Variants in ARMC2 observed in about 807,000 individuals in gnomAD.
The protein encoded by ARMC2 is armadillo repeat-containing protein 2.
In ARMC2, 67 loss-of-function variants were observed where a neutral mutation model predicts 90.3. The observed-to-expected ratio is 0.74, with a 90% CI of 0.61 to 0.91. The LOEUF is 0.91. ARMC2 is among the 40% of genes least tolerant of loss of function. The probability of loss-of-function intolerance (pLI) is 0.00; values close to 1 mark genes in which losing one functional copy is unlikely to be tolerated. For synonymous variants in ARMC2, 393 were observed against 393.0 expected (o/e 1.00, Z 0.00); for missense variants, 920 against 1,030.9 (o/e 0.89, Z 1.47).
chr6:109,008,211 T>A, the ARMC2 span, among the ~76,000 whole-genome samples: 1 of 152,292 alleles, frequency 6.6e-6, no homozygotes, highest in East Asian at 1.9e-4. Context: ...CACACAAACA[T>A]CAGCAGAAAT....
chr6:108,853,814 C>G (rs1013590827), intron 1 of ARMC2, among the ~76,000 whole-genome samples: 3 of 152,168 alleles, frequency 2.0e-5, no homozygotes, highest in Non-Finnish European at 4.4e-5. Context: ...AGAAATACAA[C>G]ATTTCTGTCT....
chr6:109,018,867 A>C, the ARMC2 span, among the ~76,000 whole-genome samples: 1 of 152,180 alleles, frequency 6.6e-6, no homozygotes, highest in Non-Finnish European at 1.5e-5. Flanking sequence ...GAGCACGATA[A>C]AAAATGAAAG....
the ARMC2 span, chr6:108,998,497 G>A: frequency 1.3e-5 from 21 of 1,612,588 alleles, no homozygotes; most frequent in Non-Finnish European, 1.7e-5. Context: ...ACAATCTCAT[G>A]ACAAATAATA....
rs538322215 is a variant in ARMC2 at position 108,947,419 on chromosome 6, C to T, written c.1597-5614C>T. Among the ~76,000 whole-genome samples, 11 of 152,262 alleles carry T rather than the reference C, an allele frequency of 7.2e-5. No homozygotes were observed. The South Asian group carries it at 2.3e-3, about 32-fold the overall frequency. ...TCCTGAAGCCTCAGTTTCAACATCT[C>T]TAAATAGGGGTAAAAATGTCTTTCA... On this transcript the variant is annotated intron_variant, in intron 12 of 17. Coordinates refer to ENST00000392644, the MANE Select transcript of ARMC2 (RefSeq NM_032131.6).
At chr6:108,896,933 A>G (rs2806370) in intron 6 of ARMC2, among the ~76,000 whole-genome samples, 117,942 of 152,170 alleles carry the variant, frequency 0.78, 46,079 homozygotes, top group South Asian at 0.85. Flanking sequence ...GCTTTCACTT[A>G]CCTTGATAAT....
At chr6:108,972,764 A>G (rs1035926414) in intron 17 of ARMC2, among the ~76,000 whole-genome samples, 2 of 151,832 alleles carry the variant, frequency 1.3e-5, no homozygotes, top group African/African-American at 2.4e-5. Context: ...CCCGTGCTCA[A>G]GTGATTCTCC....
chr6:108,871,024 T>C (rs1340666370), intron 4 of ARMC2, among the ~76,000 whole-genome samples: 1 of 152,216 alleles, frequency 6.6e-6, no homozygotes, highest in African/African-American at 2.4e-5. Context: ...TTTGAGGAGC[T>C]GGCAGCTGAA....
chr6:108,916,524 G>A (rs148978280), intron 10 of ARMC2, among the ~76,000 whole-genome samples: 8 of 152,294 alleles, frequency 5.3e-5, no homozygotes, highest in African/African-American at 1.4e-4. Flanking sequence ...CTGTAAAGTC[G>A]TAAGAGTAAA....
chr6:108,977,234 C>G (rs139306421), downstream of ARMC2, among the ~76,000 whole-genome samples: 3,529 of 152,218 alleles, frequency 0.023, 59 homozygotes, highest in Middle Eastern at 0.068. Flanking sequence ...TGTCAAAGGC[C>G]TTTTCTGCAT....
At chr6:109,025,383 T>C in the ARMC2 span, among the ~76,000 whole-genome samples, 1 of 151,566 alleles carries the variant, frequency 6.6e-6, no homozygotes, top group African/African-American at 2.4e-5. Context: ...TAGAAATAAA[T>C]AGAGATTTTC....
chr6:108,888,535 TTAG>T (rs1770610672), intron 5 of ARMC2, among the ~76,000 whole-genome samples: 1 of 152,238 alleles, frequency 6.6e-6, no homozygotes, highest in Admixed American at 6.5e-5. Flanking sequence ...GCAGTTCCAA[TTAG>T]TAGAACGAAG....
At chr6:108,895,796 C>T (rs1771552091) in intron 6 of ARMC2, among the ~76,000 whole-genome samples, 1 of 152,130 alleles carries the variant, frequency 6.6e-6, no homozygotes, top group Non-Finnish European at 1.5e-5. Context: ...CAAGTGTAGT[C>T]ATAGTAACCA....
intron 5 of ARMC2, among the ~76,000 whole-genome samples, chr6:108,888,589 G>A (rs949636867): frequency 6.6e-6 from 1 of 152,218 alleles, no homozygotes; most frequent in Non-Finnish European, 1.5e-5. Flanking sequence ...TTTCTTTTGA[G>A]TACATAAGTC....
chr6:108,954,295 T>C (rs1777408525), intron 13 of ARMC2, among the ~76,000 whole-genome samples: 1 of 152,172 alleles, frequency 6.6e-6, no homozygotes, highest in African/African-American at 2.4e-5. Flanking sequence ...CCTGCTAGTG[T>C]GTAGGAAAAT....
At chr6:109,015,885 T>TA in the ARMC2 span, among the ~76,000 whole-genome samples, 1 of 152,236 alleles carries the variant, frequency 6.6e-6, no homozygotes, top group Non-Finnish European at 1.5e-5. Context: ...CATTTGTACC[T>TA]AAACAATGTG....
intron 3 of ARMC2, among the ~76,000 whole-genome samples, chr6:108,861,207 G>A (rs1394137510): frequency 1.3e-5 from 2 of 152,136 alleles, no homozygotes; most frequent in East Asian, 3.9e-4. Context: ...AGTTCCCTAG[G>A]CTTTATGAGA....
chr6:108,885,082 A>C (rs541674836), intron 5 of ARMC2, among the ~76,000 whole-genome samples: 1 of 152,220 alleles, frequency 6.6e-6, no homozygotes, highest in Non-Finnish European at 1.5e-5. Context: ...GGGGAGTATG[A>C]AACCATGAGC....
the ARMC2 span, among the ~76,000 whole-genome samples, chr6:109,023,745 TA>T: frequency 1.3e-5 from 2 of 152,106 alleles, no homozygotes; most frequent in Admixed American, 1.3e-4. Context: ...TCTAACAAAA[TA>T]AAATGAGTAA....
downstream of ARMC2, chr6:108,974,502 T>C (rs1473653966): frequency 6.6e-6 from 1 of 152,182 alleles, no homozygotes; most frequent in Non-Finnish European, 1.5e-5. Context: ...TATTATCCTA[T>C]ACTAGCCAAA....
Sources: gnomAD v4.1 joint callset for allele counts (sites outside exome capture counted in the v4.1 genomes callset) on GRCh38, gnomAD v4.1.1 for gene constraint, MANE v1.5 for transcripts, NCBI Gene and HGNC (gene_info 2026-07-23, HGNC 2026-07-21) for gene names.